POMP: variants seen among roughly 807,000 people sequenced by gnomAD.
The protein encoded by POMP is 2510048O06Rik.
POMP carries 12 observed loss-of-function variants against 20.6 expected under a neutral mutation model. The ratio of observed to expected loss-of-function variants is 0.58; its 90% CI spans 0.37 to 0.94. The LOEUF (loss-of-function observed/expected upper bound fraction) is 0.94. Ranked by LOEUF, POMP falls within the 40% of genes least tolerant of loss-of-function variation. The pLI is 0.01. For missense variants in POMP, 136 were observed against 161.1 expected, an observed-to-expected ratio of 0.84 and a Z score of 0.84; for synonymous variants, 53 against 55.0, an observed-to-expected ratio of 0.96 and a Z score of 0.16.
In POMP at chr13:28,678,312, TATATTAA is replaced by T; in HGVS notation, c.*212_*218del. 1.8e-6 allele frequency: 1 copy of T among 563,764 alleles called. No individual in the cohort carries two copies. The highest frequency in any genetic ancestry group is 3.2e-6 in the Non-Finnish European group (1 of 315,692). 34.9% of individuals were successfully genotyped at this position (563,764 alleles called of 1,614,324 possible). ...GGAGATCATGTTAAAGCTCTTAATT[TATATTAA>T]AACAGTAGCCTTTGTCTTTAAAAAA... On this transcript the variant is annotated 3_prime_UTR_variant, in exon 6 of 6. Coordinates refer to ENST00000380842, the MANE Select transcript of POMP (RefSeq NM_015932.6).
intron 1 of POMP, among the ~76,000 whole-genome samples, chr13:28,661,579 C>T (rs543034984): frequency 3.3e-5 from 5 of 152,332 alleles, no homozygotes; most frequent in African/African-American, 1.2e-4. Context: ...AGACATGTAG[C>T]TTCAGTATCT....
chr13:28,659,240 C>T (rs1593170586), intron 1 of POMP, 53 bp downstream of exon 1: 5 of 1,566,022 alleles, frequency 3.2e-6, no homozygotes, highest in Non-Finnish European at 4.3e-6. Flanking sequence ...GACCGTGGCT[C>T]GGCAGAAACA....
In POMP at chr13:28,672,345, C is replaced by T; in HGVS notation, c.271C>T (p.Arg91Cys). The change falls in exon 5 of 6, where the codon CGT becomes TGT. Residue 91 changes from arginine (R) to cysteine (C), a missense_variant. Transcript: ENST00000380842. ...TTCATACTTTTCCCCAAAGGTTCAGCGTCTTCCATTTCTTTCAAGCTCAAA... is the reference window on the plus strand; with the variant it reads ...TTCATACTTTTCCCCAAAGGTTCAGTGTCTTCCATTTCTTTCAAGCTCAAA... ...MEFKAVQQVQ[R>C]LPFLSSSNLS... 1.2e-6 allele frequency: 2 copies of T among 1,605,524 alleles called. No homozygotes were observed. Among genetic ancestry groups the T allele is most frequent in the Non-Finnish European group, 1.7e-6 (2 of 1,172,332 alleles).
At chr13:28,660,818 A>C (rs976489792) in intron 1 of POMP, among the ~76,000 whole-genome samples, 1 of 152,216 alleles carries the variant, frequency 6.6e-6, no homozygotes, top group Non-Finnish European at 1.5e-5. Flanking sequence ...ATGAACCAAC[A>C]AAGATTTTAT....
chr13:28,659,189 T>C lies in POMP; in HGVS notation c.3+2T>C. The C allele has an allele frequency of 1.3e-6, 2 of 1,589,802 alleles. No individual in the cohort carries two copies. Among genetic ancestry groups the C allele is most frequent in the Non-Finnish European group, 1.7e-6 (2 of 1,169,162 alleles). ...CTGTTCGCAGAGCTGCGGAAGATGG[T>C]GAGTGGGTACCCGGGCGGCTGGAGT... is the stretch of plus-strand genomic sequence containing the variant. On this transcript the variant is annotated splice_donor_variant, in intron 1 of 5. Coordinates refer to ENST00000380842, the MANE Select transcript of POMP (RefSeq NM_015932.6). LOFTEE classifies it high-confidence loss of function.
At chr13:28,668,341 A>T (rs746782343) in intron 3 of POMP, 132 bp from the exon 4 acceptor site, 1 of 665,704 alleles carries the variant, frequency 1.5e-6, no homozygotes. Context: ...ATTAGTAAAA[A>T]TACTTAGTTT....
At chr13:28,660,189 A>G (rs892836884) in intron 1 of POMP, among the ~76,000 whole-genome samples, 5 of 152,250 alleles carry the variant, frequency 3.3e-5, no homozygotes, top group African/African-American at 1.2e-4. Context: ...GAAGTAATAG[A>G]AGATACATTT....
chr13:28,672,324 T>C lies in POMP; in HGVS notation c.265-15T>C. ...AGTTTTTTCTAATCTTGTCCCTTCA[T>C]ACTTTTCCCCAAAGGTTCAGCGTCT... On this transcript the variant is annotated splice_polypyrimidine_tract_variant and intron_variant, in intron 4 of 5. Transcript: ENST00000380842. The C allele has an allele frequency of 1.3e-6, 2 of 1,566,332 alleles. No individual in the cohort carries two copies. The highest frequency in any genetic ancestry group is 1.8e-6 in the Non-Finnish European group (2 of 1,136,626).
At chr13:28,664,039 T>C (rs774167547) in intron 2 of POMP, among the ~76,000 whole-genome samples, 12 of 152,212 alleles carry the variant, frequency 7.9e-5, no homozygotes, top group East Asian at 3.8e-4. Context: ...TAACATACTT[T>C]ATACATAGTA....
At chr13:28,660,850 T>G (rs1884326654) in intron 1 of POMP, among the ~76,000 whole-genome samples, 1 of 152,134 alleles carries the variant, frequency 6.6e-6, no homozygotes, top group South Asian at 2.1e-4. Flanking sequence ...TGGAGGAGGT[T>G]TCATGCTTGA....
intron 4 of POMP, among the ~76,000 whole-genome samples, chr13:28,671,064 A>G (rs1302284718): frequency 6.6e-6 from 1 of 152,116 alleles, no homozygotes; most frequent in African/African-American, 2.4e-5. Context: ...AAATAATAAT[A>G]AGATAAATTC....
intron 3 of POMP, among the ~76,000 whole-genome samples, chr13:28,667,063 T>A (rs1884461917): frequency 6.6e-6 from 1 of 152,204 alleles, no homozygotes; most frequent in African/African-American, 2.4e-5. Flanking sequence ...TCTTCCAAAC[T>A]GGATTATAAT....
intron 4 of POMP, among the ~76,000 whole-genome samples, chr13:28,672,084 T>C (rs1219959755): frequency 6.6e-6 from 1 of 152,220 alleles, no homozygotes; most frequent in Non-Finnish European, 1.5e-5. Context: ...GTAGTTTTCC[T>C]GAGCAGAAGC....
chr13:28,670,988 A>G (rs1460299935), intron 4 of POMP, among the ~76,000 whole-genome samples: 2 of 152,224 alleles, frequency 1.3e-5, no homozygotes, highest in African/African-American at 4.8e-5. Flanking sequence ...CAGAGGTTGC[A>G]GTGAGCCAAA....
At chr13:28,670,825 T>C (rs1044329598) in intron 4 of POMP, among the ~76,000 whole-genome samples, 1 of 152,166 alleles carries the variant, frequency 6.6e-6, no homozygotes, top group Non-Finnish European at 1.5e-5. Context: ...GGCAGATGGA[T>C]CACCTGAGGT....
intron 1 of POMP, 74 bp from the exon 2 acceptor site, chr13:28,662,336 A>G: frequency 8.7e-7 from 1 of 1,149,668 alleles, no homozygotes; most frequent in Non-Finnish European, 1.3e-6. Context: ...CTTAAACAAT[A>G]TTTTTGACAC....
intron 5 of POMP, among the ~76,000 whole-genome samples, chr13:28,677,690 G>T (rs1884652780): frequency 6.6e-6 from 1 of 150,644 alleles, no homozygotes; most frequent in Non-Finnish European, 1.5e-5. Flanking sequence ...TAAGAACTTT[G>T]AAAAAAAAAC....
At chr13:28,670,451 A>T (rs1884527409) in intron 4 of POMP, among the ~76,000 whole-genome samples, 1 of 152,162 alleles carries the variant, frequency 6.6e-6, no homozygotes, top group Non-Finnish European at 1.5e-5. Flanking sequence ...CATCTGGATT[A>T]CTGCAACACT....
At chr13:28,669,838 C>A (rs956525892) in intron 4 of POMP, among the ~76,000 whole-genome samples, 2 of 152,110 alleles carry the variant, frequency 1.3e-5, no homozygotes, top group African/African-American at 4.8e-5. Context: ...GGGCGTGGTG[C>A]CTCACACCTG....
Sources: gnomAD v4.1 joint callset for allele counts (sites outside exome capture counted in the v4.1 genomes callset) on GRCh38, gnomAD v4.1.1 for gene constraint, MANE v1.5 for transcripts, NCBI Gene and HGNC (gene_info 2026-07-23, HGNC 2026-07-21) for gene names.